Variants in PTPRN2 observed in about 807,000 individuals in gnomAD.
PTPRN2 encodes the protein receptor-type tyrosine-protein phosphatase N2.
In PTPRN2, 74 loss-of-function variants were observed where a neutral mutation model predicts 118.8. That is an observed-to-expected ratio of 0.62 (90% CI 0.52 to 0.76). PTPRN2 has a LOEUF of 0.76. Among genes scored for constraint, PTPRN2 ranks in the 30% least tolerant of loss-of-function variants. The probability of loss-of-function intolerance (pLI) is 0.00; values close to 1 mark genes in which losing one functional copy is unlikely to be tolerated. For synonymous variants in PTPRN2, 641 were observed against 608.0 expected (o/e 1.05, Z -0.80); for missense variants, 1,481 against 1,394.4 (o/e 1.06, Z -0.99).
intron 3 of PTPRN2, among the ~76,000 whole-genome samples, chr7:158,232,395 T>C (rs1353892453): frequency 3.3e-5 from 5 of 152,038 alleles, no homozygotes; most frequent in Non-Finnish European, 5.9e-5. Context: ...GATTGAACCA[T>C]GAAGAAATAG....
chr7:158,245,735 T>C (rs1209067732), intron 3 of PTPRN2, among the ~76,000 whole-genome samples: 1 of 152,152 alleles, frequency 6.6e-6, no homozygotes, highest in East Asian at 1.9e-4. Context: ...CAGCGTCTCA[T>C]GACGTGGCTG....
intron 10 of PTPRN2, among the ~76,000 whole-genome samples, chr7:158,105,977 C>T (rs946641752): frequency 6.6e-6 from 1 of 151,744 alleles, no homozygotes; most frequent in African/African-American, 2.4e-5. Context: ...CATCCAGTTC[C>T]ATCCCCTCCT....
chr7:157,996,500 G>T (rs1804752746), intron 11 of PTPRN2, among the ~76,000 whole-genome samples: 1 of 152,198 alleles, frequency 6.6e-6, no homozygotes, highest in Non-Finnish European at 1.5e-5. Flanking sequence ...GGGGAGCTTT[G>T]GTCTCTCACA....
rs1176471302 is a variant in PTPRN2 at position 158,151,076 on chromosome 7, TGCC to T, written c.911-12564_911-12562del. On this transcript the variant is annotated intron_variant, in intron 6 of 22. Coordinates refer to ENST00000389418, the MANE Select transcript of PTPRN2 (RefSeq NM_002847.5). The stretch of plus-strand genomic sequence containing the variant: ...CCCACACTGCCCGCCTTTCCACTCT[TGCC>T]CCTGCCTGCCCAAACCGCCCGCCTT... Among the ~76,000 whole-genome samples, 13 of 114,776 alleles carry T rather than the reference TGCC, an allele frequency of 1.1e-4. 1 individual carries two copies. Among genetic ancestry groups the T allele is most frequent in the African/African-American group, 3.5e-4 (10 of 28,866 alleles). 75.3% of individuals were successfully genotyped at this position (114,776 alleles called of 152,430 possible). A position where few individuals can be genotyped will look rare whatever the true frequency, so the allele number is the denominator to read the frequency against.
rs34292487 is a variant in PTPRN2 at position 157,874,765 on chromosome 7, GCA to G, written c.1788+23906_1788+23907del. On this transcript the variant is annotated intron_variant, in intron 12 of 22. Coordinates refer to ENST00000389418, the MANE Select transcript of PTPRN2 (RefSeq NM_002847.5). This position sits in a 1 kb window ranked among gnomAD's most constrained non-coding sequence, Gnocchi z 5.8. ...TGCACATACACAGACACACACTCAT[GCA>G]CACACACACGAACACACTCATACAC... Among the ~76,000 whole-genome samples, 20,289 of 147,086 alleles carry G rather than the reference GCA, an allele frequency of 0.14. 1,504 individuals carry two copies. The highest frequency in any genetic ancestry group is 0.18 in the South Asian group (841 of 4,570).
chr7:157,809,386 C>T (rs561824345), intron 12 of PTPRN2, among the ~76,000 whole-genome samples: 4 of 152,078 alleles, frequency 2.6e-5, no homozygotes, highest in Non-Finnish European at 5.9e-5. Context: ...CAGCCCTGAG[C>T]GAGGTGTGGA....
chr7:157,595,589 CTGGTGTTT>C (rs1318203087), intron 16 of PTPRN2, among the ~76,000 whole-genome samples: 2,665 of 113,294 alleles, frequency 0.024, 190 homozygotes, highest in East Asian at 0.08. Context: ...GTTAGGAAGC[CTGGTGTTT>C]AGGAAGCCCG....
chr7:157,844,035 A>G (rs1184533855), intron 12 of PTPRN2, among the ~76,000 whole-genome samples: 1 of 151,914 alleles, frequency 6.6e-6, no homozygotes. Flanking sequence ...GGGGCGGCGC[A>G]GGCCCCTCCA....
chr7:158,548,796 G>A (rs1300196599), intron 1 of PTPRN2, among the ~76,000 whole-genome samples: 4 of 152,214 alleles, frequency 2.6e-5, no homozygotes, highest in Non-Finnish European at 5.9e-5. Context: ...GGGGAGGCAG[G>A]AGCCGCCCTG....
intron 3 of PTPRN2, among the ~76,000 whole-genome samples, chr7:158,298,124 G>A (rs570604945): frequency 3.3e-5 from 5 of 151,814 alleles, no homozygotes; most frequent in East Asian, 1.9e-4. Context: ...TGTCATTGTC[G>A]GTAAAAAGAG....
At position 157,912,855 on chromosome 7, in the gene PTPRN2, G is replaced by A. The variant is rs559514566; in HGVS notation, c.1724-14118C>T. On this transcript the variant is annotated intron_variant, in intron 11 of 22. Coordinates refer to ENST00000389418, the MANE Select transcript of PTPRN2 (RefSeq NM_002847.5). ...CTGTTCCTGGCCCAGGTGTCTCTCC[G>A]TGCACAGATCCATGTGATCTTTCTT... Among the ~76,000 whole-genome samples, 14 of 152,204 alleles carry A rather than the reference G, an allele frequency of 9.2e-5. No homozygotes were observed. In the East Asian group the frequency reaches 9.6e-4, roughly 10 times the overall value.
Position 158,574,862 on chromosome 7 carries a change from A to G in PTPRN2, c.112+12696T>C, listed in dbSNP as rs1828238856. Among the ~76,000 whole-genome samples, 1 of 152,154 alleles carries G rather than the reference A, an allele frequency of 6.6e-6. No individual in the cohort carries two copies. The highest frequency in any genetic ancestry group is 1.5e-5 in the Non-Finnish European group (1 of 68,032). On this transcript the variant is annotated intron_variant, in intron 1 of 22. Transcript: ENST00000389418. The surrounding 1 kb of genome is among the most constrained non-coding windows in gnomAD (Gnocchi z 4.6). ...CCTGCCTACTGCAGGATGTCGAACA[A>G]CGTCCCTGTCCGCCATCCACCTAGT...
Position 157,714,379 on chromosome 7 carries a change from G to A in PTPRN2, c.1789-31442C>T, listed in dbSNP as rs58976189. On this transcript the variant is annotated intron_variant, in intron 12 of 22. Coordinates refer to ENST00000389418, the MANE Select transcript of PTPRN2 (RefSeq NM_002847.5). ...GACAGTCTGAGTGGTCCTTCCTTTCGCCCTGTGCAGGGCTGGGCTTGCGAC... is the reference window on the plus strand; with the variant it reads ...GACAGTCTGAGTGGTCCTTCCTTTCACCCTGTGCAGGGCTGGGCTTGCGAC... 9.1e-3 allele frequency among the ~76,000 whole-genome samples: 1,381 copies of A among 152,260 alleles called. 22 individuals are homozygous for A. The highest frequency in any genetic ancestry group is 0.031 in the African/African-American group (1,305 of 41,530).
At chr7:157,795,091 C>A (rs1804781617) in intron 12 of PTPRN2, among the ~76,000 whole-genome samples, 1 of 148,912 alleles carries the variant, frequency 6.7e-6, no homozygotes, top group African/African-American at 2.5e-5. Context: ...CACCTGTGCA[C>A]CTGGGAGGCT....
At chr7:157,806,763 G>A (rs1805660432) in intron 12 of PTPRN2, among the ~76,000 whole-genome samples, 1 of 152,242 alleles carries the variant, frequency 6.6e-6, no homozygotes, top group Admixed American at 6.5e-5. Context: ...AGCTATCTGG[G>A]TTGAGGCACT....
At chr7:158,433,949 G>T (rs1459848967) in intron 2 of PTPRN2, among the ~76,000 whole-genome samples, 2 of 152,068 alleles carry the variant, frequency 1.3e-5, no homozygotes, top group East Asian at 3.9e-4. Context: ...GACAAATGGG[G>T]TATTTAGAAG....
chr7:158,171,316 T>TATACATACATACATAC (rs1554571682), intron 5 of PTPRN2, among the ~76,000 whole-genome samples: 1 of 92,062 alleles, frequency 1.1e-5, no homozygotes, highest in Non-Finnish European at 2.2e-5. Context: ...CACATATATA[T>TATACATACATACATAC]ATATATATAT....
In PTPRN2 at chr7:157,578,144, C is replaced by T. The variant is rs201622428; in HGVS notation, c.2497-4G>A. 31 of 1,605,102 alleles carry T rather than the reference C, an allele frequency of 1.9e-5. No individual in the cohort carries two copies. Among genetic ancestry groups the T allele is most frequent in the South Asian group, 4.4e-5 (4 of 90,644 alleles). ...CGCAGCCGCTCTCCCACACCATCTG[C>T]GGACAAAGAAGGCCCGTGGCCGCGG... On this transcript the variant is annotated splice_region_variant and splice_polypyrimidine_tract_variant and intron_variant, in intron 17 of 22. Coordinates refer to ENST00000389418, the MANE Select transcript of PTPRN2 (RefSeq NM_002847.5).
At chr7:157,852,908 G>A (rs998133819) in intron 12 of PTPRN2, among the ~76,000 whole-genome samples, 9 of 150,232 alleles carry the variant, frequency 6.0e-5, no homozygotes, top group Admixed American at 2.0e-4. Flanking sequence ...ACCCTGAAGC[G>A]CCAGCAGCAA....
Sources: allele counts gnomAD v4.1 joint callset (sites outside exome capture counted in the v4.1 genomes callset), GRCh38; gene constraint gnomAD v4.1.1; non-coding constraint Gnocchi (gnomAD v3.1); transcripts MANE v1.5; gene names NCBI Gene and HGNC (gene_info 2026-07-23, HGNC 2026-07-21).